SAP130: variants seen among roughly 807,000 people sequenced by gnomAD.
The protein encoded by SAP130 is histone deacetylase complex subunit SAP130.
A neutral mutation model predicts 103.2 loss-of-function variants in SAP130; 16 were observed. The observed-to-expected ratio is 0.16, with a 90% CI of 0.10 to 0.24. SAP130 has a LOEUF of 0.24. SAP130 is among the 10% of genes least tolerant of loss of function. SAP130 has a pLI of 1.00. For missense variants in SAP130, 990 were observed against 1,359.7 expected (o/e 0.73, Z 4.28); for synonymous variants, 477 against 497.0 (o/e 0.96, Z 0.53).
At position 127,996,600 on chromosome 2, in the gene SAP130, T is replaced by C; in HGVS notation, c.1214-109A>G. ...GGAAAGCAAACAATTAAAATAAGCC[T>C]GGATTTTTAATCAAAATAAAAAATG... is the stretch of plus-strand genomic sequence containing the variant. On this transcript the variant is annotated intron_variant, in intron 10 of 20. Transcript: ENST00000643581. The surrounding 1 kb of genome is among the most constrained non-coding windows in gnomAD (Gnocchi z 4.3). 9.9e-7 allele frequency: 1 copy of C among 1,013,966 alleles called. No individual in the cohort carries two copies. The highest frequency in any genetic ancestry group is 1.4e-6 in the Non-Finnish European group (1 of 737,040). 62.8% of individuals were successfully genotyped at this position (1,013,966 alleles called of 1,614,324 possible).
chr2:127,972,013 G>A (rs1390039619), intron 15 of SAP130, among the ~76,000 whole-genome samples: 1 of 152,154 alleles, frequency 6.6e-6, no homozygotes, highest in East Asian at 1.9e-4. Flanking sequence ...TTGGGTGTGG[G>A]AGTGTGGGGG....
chr2:127,994,130 C>T (rs1257802697), intron 11 of SAP130, among the ~76,000 whole-genome samples: 1 of 152,158 alleles, frequency 6.6e-6, no homozygotes, highest in Non-Finnish European at 1.5e-5. Context: ...AATGTCTATT[C>T]ATGTTTTAGA....
intron 10 of SAP130, among the ~76,000 whole-genome samples, chr2:127,998,325 G>A (rs1683313806): frequency 1.3e-5 from 2 of 152,134 alleles, no homozygotes; most frequent in Admixed American, 1.3e-4. Flanking sequence ...TATTCCATTG[G>A]AATAGAGGCA....
At chr2:127,974,067 A>G (rs985011987) in intron 15 of SAP130, among the ~76,000 whole-genome samples, 7 of 152,094 alleles carry the variant, frequency 4.6e-5, no homozygotes, top group African/African-American at 1.7e-4. Flanking sequence ...AAACAGACAA[A>G]CAAAAAACAC....
rs967216846 is a variant in SAP130, at chr2:127,993,469, G to A, written c.1356-161C>T. ...TCTTACATCACAGGACACACACCAA[G>A]AATGCAAAATTAAAAAAAAAAAAAG... On this transcript the variant is annotated intron_variant, in intron 11 of 20. Coordinates refer to ENST00000643581, the MANE Select transcript of SAP130 (RefSeq NM_001330301.2). Among the ~76,000 whole-genome samples the A allele has an allele frequency of 7.8e-4, 115 of 147,318 alleles. 3 individuals carry two copies. The highest frequency in any genetic ancestry group is 1.6e-4 in the Non-Finnish European group (11 of 66,864).
chr2:128,020,512 T>A (rs1054826838), intron 2 of SAP130, among the ~76,000 whole-genome samples: 1 of 152,224 alleles, frequency 6.6e-6, no homozygotes, highest in Non-Finnish European at 1.5e-5. Flanking sequence ...ATGCTGTATA[T>A]AGTACGACAC....
chr2:128,010,462 T>C, intron 6 of SAP130, 69 bp from the exon 7 acceptor site: 1 of 1,444,858 alleles, frequency 6.9e-7, no homozygotes, highest in Middle Eastern at 1.9e-4. Context: ...ACTAAATGTG[T>C]AATTTGAAAC....
chr2:127,985,395 C>T (rs1682302591), intron 14 of SAP130, among the ~76,000 whole-genome samples: 1 of 152,174 alleles, frequency 6.6e-6, no homozygotes, highest in South Asian at 2.1e-4. Flanking sequence ...TTTAAGTTTG[C>T]ACTTGCTTTA....
chr2:128,026,376 T>C (rs1349301112), intron 1 of SAP130, 78 bp from the exon 2 acceptor site: 5 of 1,012,856 alleles, frequency 4.9e-6, no homozygotes, highest in East Asian at 2.4e-5. Flanking sequence ...GCATCTTTAG[T>C]ACCTATGAGA....
chr2:127,973,805 T>C (rs949987076), intron 15 of SAP130, among the ~76,000 whole-genome samples: 2 of 152,080 alleles, frequency 1.3e-5, no homozygotes, highest in Non-Finnish European at 2.9e-5. Context: ...CAGGGTGCGG[T>C]GCTCATGTCT....
At chr2:127,968,906 T>C (rs1486519589) in intron 15 of SAP130, among the ~76,000 whole-genome samples, 1 of 152,168 alleles carries the variant, frequency 6.6e-6, no homozygotes, top group Non-Finnish European at 1.5e-5. Context: ...CAGCCCAACA[T>C]CAGTTTTGCA....
At chr2:128,026,747 A>T (rs1191155177) in intron 1 of SAP130, among the ~76,000 whole-genome samples, 2 of 152,270 alleles carry the variant, frequency 1.3e-5, no homozygotes, top group African/African-American at 4.8e-5. Flanking sequence ...CTAAGAAAAG[A>T]TCCGATATCT....
At chr2:127,962,468 A>G (rs1217488405) in intron 15 of SAP130, among the ~76,000 whole-genome samples, 3 of 152,236 alleles carry the variant, frequency 2.0e-5, no homozygotes, top group Admixed American at 1.3e-4. Context: ...GCAAAGACTC[A>G]GAACCAACCT....
intron 2 of SAP130, among the ~76,000 whole-genome samples, chr2:128,019,994 T>C (rs1685043311): frequency 6.6e-6 from 1 of 152,214 alleles, no homozygotes; most frequent in Non-Finnish European, 1.5e-5. Flanking sequence ...TAATTTTTTT[T>C]CTGAGCATAA....
intron 15 of SAP130, among the ~76,000 whole-genome samples, chr2:127,956,864 T>G (rs200362510): frequency 6.6e-6 from 1 of 152,256 alleles, no homozygotes; most frequent in East Asian, 1.9e-4. Context: ...GAGAAATCCT[T>G]CCCCACTTCT....
chr2:127,962,821 A>G (rs903511796), intron 15 of SAP130, among the ~76,000 whole-genome samples: 1 of 151,964 alleles, frequency 6.6e-6, no homozygotes, highest in Non-Finnish European at 1.5e-5. Context: ...CGGCACATGT[A>G]TACATATGTA....
At chr2:128,018,733 AG>A (rs1229399492) in intron 2 of SAP130, among the ~76,000 whole-genome samples, 2 of 151,682 alleles carry the variant, frequency 1.3e-5, no homozygotes, top group Non-Finnish European at 1.5e-5. Flanking sequence ...TCAAGGCTGC[AG>A]TGAGCCAAGC....
chr2:128,004,360 CCT>C (rs1491251813), intron 7 of SAP130, among the ~76,000 whole-genome samples: 5 of 97,074 alleles, frequency 5.2e-5, no homozygotes, highest in African/African-American at 2.1e-4. Context: ...TGCTTTCTTT[CCT>C]TTTTTTTTTT....
At position 128,018,483 on chromosome 2, in the gene SAP130, C is replaced by CAAAAAAAAAAAAAAAA. The variant is rs759445928; in HGVS notation, c.113-584_113-569dup. Among the ~76,000 whole-genome samples, 123 of 69,464 alleles carry CAAAAAAAAAAAAAAAA rather than the reference C, an allele frequency of 1.8e-3. 4 individuals carry two copies. Among genetic ancestry groups the CAAAAAAAAAAAAAAAA allele is most frequent in the African/African-American group, 7.5e-3 (115 of 15,288 alleles). The allele number at this position is 69,464 out of a possible 152,430, so 45.6% of individuals were successfully genotyped here. A position where few individuals can be genotyped will look rare whatever the true frequency, so the allele number is the denominator to read the frequency against. On this transcript the variant is annotated intron_variant, in intron 2 of 20. Transcript: ENST00000643581. ...CTGGGCGAGAGAGGAAGATTGTCTC[C>CAAAAAAAAAAAAAAAA]AAAAAAAAAAAAAAAAAAAAAAAGG...
Sources: allele counts gnomAD v4.1 joint callset (sites outside exome capture counted in the v4.1 genomes callset), GRCh38; gene constraint gnomAD v4.1.1; non-coding constraint Gnocchi (gnomAD v3.1); transcripts MANE v1.5; gene names NCBI Gene and HGNC (gene_info 2026-07-23, HGNC 2026-07-21).